SKAP1: variants seen among roughly 807,000 people sequenced by gnomAD.
SKAP1 encodes the protein src kinase-associated phosphoprotein 1.
A neutral mutation model predicts 58.5 loss-of-function variants in SKAP1; 44 were observed. The observed-to-expected ratio is 0.75, with a 90% CI of 0.59 to 0.97. The LOEUF (loss-of-function observed/expected upper bound fraction) is 0.97, where lower values mean the gene tolerates loss of function less well. Ranked by LOEUF, SKAP1 falls within the 50% of genes least tolerant of loss-of-function variation. The probability of loss-of-function intolerance (pLI) is 0.00; values close to 1 mark genes in which losing one functional copy is unlikely to be tolerated. For missense variants in SKAP1, 390 were observed against 435.2 expected, an observed-to-expected ratio of 0.90 and a Z score of 0.92; for synonymous variants, 127 against 149.7, an observed-to-expected ratio of 0.85 and a Z score of 1.11.
intron 3 of SKAP1, among the ~76,000 whole-genome samples, chr17:48,355,638 C>A (rs963022415): frequency 6.6e-6 from 1 of 151,928 alleles, no homozygotes; most frequent in Admixed American, 6.6e-5. Context: ...ACCAGCCTGG[C>A]CAACATGGCA....
intron 3 of SKAP1, among the ~76,000 whole-genome samples, chr17:48,355,984 G>A (rs1376090918): frequency 6.6e-6 from 1 of 152,166 alleles, no homozygotes; most frequent in Non-Finnish European, 1.5e-5. Context: ...GCCAGGAGCA[G>A]TGGCTCATGC....
intron 4 of SKAP1, among the ~76,000 whole-genome samples, chr17:48,267,944 T>G (rs1191521582): frequency 6.6e-6 from 1 of 152,208 alleles, no homozygotes; most frequent in Non-Finnish European, 1.5e-5. Flanking sequence ...GTTTGTATTA[T>G]GCCCATTTTA....
chr17:48,149,159 G>GTATACA (rs1413737600), intron 11 of SKAP1, among the ~76,000 whole-genome samples: 1 of 152,216 alleles, frequency 6.6e-6, no homozygotes, highest in Non-Finnish European at 1.5e-5. Context: ...TTCAGGACAA[G>GTATACA]TATACATTTA....
chr17:48,134,154 G>T (rs1056977638), intron 12 of SKAP1, among the ~76,000 whole-genome samples: 1 of 151,994 alleles, frequency 6.6e-6, no homozygotes, highest in African/African-American at 2.4e-5. Context: ...TTCTATGAAT[G>T]TACTATAGTT....
At chr17:48,196,276 T>C (rs922970473) in intron 4 of SKAP1, among the ~76,000 whole-genome samples, 6 of 152,226 alleles carry the variant, frequency 3.9e-5, no homozygotes, top group Non-Finnish European at 8.8e-5. Context: ...GAGACCCTGT[T>C]TTTTGGAAGA....
At chr17:48,430,482 C>T (rs2067906054), upstream of SKAP1, among the ~76,000 whole-genome samples, 1 of 152,110 alleles carries the variant, frequency 6.6e-6, no homozygotes, top group Non-Finnish European at 1.5e-5. Flanking sequence ...TTTGGACACT[C>T]CATCCTAAGC....
chr17:48,345,857 G>A, intron 4 of SKAP1, 48 bp downstream of exon 4: 7 of 1,295,540 alleles, frequency 5.4e-6, no homozygotes, highest in Non-Finnish European at 7.8e-6. Flanking sequence ...CAGGCCAGAA[G>A]ATAATGAAGT....
intron 2 of SKAP1, among the ~76,000 whole-genome samples, chr17:48,366,941 G>GA (rs779554589): frequency 2.4e-4 from 37 of 152,098 alleles, no homozygotes; most frequent in South Asian, 4.2e-4. Context: ...TATTGGCCCA[G>GA]AAAAAATCCT....
In SKAP1 at chr17:48,354,601, A is replaced by G. The variant is rs368047436; in HGVS notation, c.179-8595T>C. Among the ~76,000 whole-genome samples, 44 of 152,316 alleles carry G rather than the reference A, an allele frequency of 2.9e-4. 1 individual carries two copies. In the South Asian group the frequency reaches 8.7e-3, roughly 30 times the overall value. The stretch of plus-strand genomic sequence containing the variant: ...TACTTGCCTCACAAGAGTCAGCAGA[A>G]ACTGGAATCTTTATTTTATATGTCA... On this transcript the variant is annotated intron_variant, in intron 3 of 12. Coordinates refer to ENST00000336915, the MANE Select transcript of SKAP1 (RefSeq NM_003726.4).
intron 4 of SKAP1, among the ~76,000 whole-genome samples, chr17:48,201,224 T>C (rs1364106231): frequency 6.6e-6 from 1 of 152,128 alleles, no homozygotes; most frequent in African/African-American, 2.4e-5. Context: ...TAAAATGCCA[T>C]GAACCTCAAA....
At chr17:48,206,505 G>A (rs1428192568) in intron 4 of SKAP1, among the ~76,000 whole-genome samples, 3 of 151,832 alleles carry the variant, frequency 2.0e-5, no homozygotes, top group Admixed American at 1.3e-4. Flanking sequence ...AAGGGTTGAC[G>A]TAAATAATAT....
chr17:48,224,746 AT>A (rs2065047451), intron 4 of SKAP1, among the ~76,000 whole-genome samples: 1 of 152,122 alleles, frequency 6.6e-6, no homozygotes, highest in South Asian at 2.1e-4. Flanking sequence ...ATTAATGGAA[AT>A]TTTTGGAGAC....
the SKAP1 span, among the ~76,000 whole-genome samples, chr17:48,443,097 C>T: frequency 6.6e-6 from 1 of 152,118 alleles, no homozygotes; most frequent in African/African-American, 2.4e-5. Flanking sequence ...CAACACTCTT[C>T]CCCTTCCCCT....
chr17:48,370,035 AATAG>A (rs1028751556), intron 2 of SKAP1, among the ~76,000 whole-genome samples: 3 of 152,172 alleles, frequency 2.0e-5, no homozygotes, highest in African/African-American at 7.2e-5. Context: ...TGATGACTAT[AATAG>A]ATATGATTCG....
At chr17:48,431,121 T>C (rs77075517), upstream of SKAP1, among the ~76,000 whole-genome samples, 11 of 152,114 alleles carry the variant, frequency 7.2e-5, 1 homozygote, top group East Asian at 2.1e-3. Flanking sequence ...AGTGCTATGG[T>C]TGATAAAAGA....
At chr17:48,413,881 C>A (rs1474344033) in intron 1 of SKAP1, among the ~76,000 whole-genome samples, 1 of 152,100 alleles carries the variant, frequency 6.6e-6, no homozygotes, top group Admixed American at 6.5e-5. Flanking sequence ...AGCATTCACT[C>A]TATGTAGGAC....
chr17:48,188,422 C>T (rs2064488150), intron 5 of SKAP1, among the ~76,000 whole-genome samples: 2 of 152,120 alleles, frequency 1.3e-5, no homozygotes, highest in African/African-American at 4.8e-5. Flanking sequence ...AGTGGTGGCT[C>T]ACATCTGTAA....
chr17:48,329,573 G>A (rs759101451), intron 4 of SKAP1, among the ~76,000 whole-genome samples: 23 of 152,320 alleles, frequency 1.5e-4, no homozygotes, highest in Admixed American at 2.6e-4. Context: ...CGGGCGTGGC[G>A]GCAGGCGCCT....
chr17:48,305,764 G>T (rs2066131743), intron 4 of SKAP1, among the ~76,000 whole-genome samples: 1 of 152,174 alleles, frequency 6.6e-6, no homozygotes, highest in Non-Finnish European at 1.5e-5. Context: ...AGAAACTCTG[G>T]CCTACAGAGA....
Sources: gnomAD v4.1 joint callset for allele counts (sites outside exome capture counted in the v4.1 genomes callset) on GRCh38, gnomAD v4.1.1 for gene constraint, MANE v1.5 for transcripts, NCBI Gene and HGNC (gene_info 2026-07-23, HGNC 2026-07-21) for gene names.